Variants in PRKCA observed in about 807,000 individuals in gnomAD.
PRKCA encodes protein kinase C alpha.
A neutral mutation model predicts 87.0 loss-of-function variants in PRKCA; 27 were observed. The ratio of observed to expected loss-of-function variants is 0.31; its 90% confidence interval spans 0.23 to 0.43. The LOEUF is 0.43. PRKCA is among the 20% of genes least tolerant of loss of function. The pLI, the probability that PRKCA is intolerant of heterozygous loss-of-function variation, is 1.00. For missense variants in PRKCA, 518 were observed against 852.3 expected (o/e 0.61, Z 4.88); for synonymous variants, 329 against 311.1 (o/e 1.06, Z -0.61).
chr17:66,765,402 C>G (rs1422616748), intron 13 of PRKCA, among the ~76,000 whole-genome samples: 4 of 94,800 alleles, frequency 4.2e-5, no homozygotes, highest in South Asian at 3.4e-4. Flanking sequence ...GCCTGGTCGA[C>G]AGAGCAAGAC....
intron 3 of PRKCA, among the ~76,000 whole-genome samples, chr17:66,584,913 CT>C (rs1969546347): frequency 6.6e-6 from 1 of 152,068 alleles, no homozygotes; most frequent in Non-Finnish European, 1.5e-5. Context: ...GGTTCATTGC[CT>C]CATGCCAAGG....
chr17:66,545,022 TC>T (rs1331628099), intron 3 of PRKCA, among the ~76,000 whole-genome samples: 8 of 152,264 alleles, frequency 5.3e-5, no homozygotes, highest in Non-Finnish European at 8.8e-5. Context: ...TTTAAGTTAA[TC>T]AAATGTTTAT....
At chr17:66,456,970 T>A (rs1914601658) in intron 2 of PRKCA, among the ~76,000 whole-genome samples, 1 of 152,158 alleles carries the variant, frequency 6.6e-6, no homozygotes, top group African/African-American at 2.4e-5. Flanking sequence ...CTTCTGTACA[T>A]GAATGTCATG....
Position 66,306,142 on chromosome 17 carries a change from T to G in PRKCA, c.205+15T>G. The G allele has an allele frequency of 6.2e-7, 1 of 1,610,126 alleles. No homozygotes were observed. Among genetic ancestry groups the G allele is most frequent in the Non-Finnish European group, 8.5e-7 (1 of 1,178,078 alleles). On this transcript the variant is annotated intron_variant, in intron 2 of 16. Transcript: ENST00000413366. ...CCAGTGCCAAGGTAAGCTACCACTTTTGGTTTTATTTTCAAGCACAACATG... is the reference window on the plus strand; with the variant it reads ...CCAGTGCCAAGGTAAGCTACCACTTGTGGTTTTATTTTCAAGCACAACATG...
chr17:66,773,817 CGT>C (rs1010576675), intron 13 of PRKCA, among the ~76,000 whole-genome samples, 168 bp from the exon 14 acceptor site: 2 of 152,000 alleles, frequency 1.3e-5, no homozygotes, highest in African/African-American at 4.8e-5. Context: ...GATAGTTCTC[CGT>C]GTGTCTGATT....
chr17:66,316,639 C>T (rs1195597544), intron 2 of PRKCA, among the ~76,000 whole-genome samples: 1 of 151,972 alleles, frequency 6.6e-6, no homozygotes, highest in Admixed American at 6.6e-5. Context: ...ATTGGACACC[C>T]CTGGTTTAAA....
At position 66,553,371 on chromosome 17, in the gene PRKCA, A is replaced by C. The variant is rs542722491; in HGVS notation, c.288+57088A>C. Among the ~76,000 whole-genome samples the C allele has an allele frequency of 2.0e-5, 3 of 152,310 alleles. No individual in the cohort carries two copies. The South Asian group carries it at 6.2e-4, about 32-fold the overall frequency. On this transcript the variant is annotated intron_variant, in intron 3 of 16. Transcript: ENST00000413366. Reference sequence around the variant, plus strand: ...CTAGCAAATAAATAATTCCATAGCTAGAAAGATCTTTGGTAGGTAGTTTCC... The same window carrying C: ...CTAGCAAATAAATAATTCCATAGCTCGAAAGATCTTTGGTAGGTAGTTTCC...
rs1975936042 is a variant in PRKCA at position 66,803,064 on chromosome 17, C to T, written c.1855-809C>T. ...CACTTTTGGGGTCAGGCTACCAAGC[C>T]GTGCTGCCTAAGCGGCTGTGTGTCT... is the stretch of plus-strand genomic sequence containing the variant. On this transcript the variant is annotated intron_variant, in intron 16 of 16. Transcript: ENST00000413366. The surrounding 1 kb of genome is among the most constrained non-coding windows in gnomAD (Gnocchi z 4.4). 6.6e-6 allele frequency among the ~76,000 whole-genome samples: 1 copy of T among 152,186 alleles called. No individual in the cohort carries two copies. Among genetic ancestry groups the T allele is most frequent in the Non-Finnish European group, 1.5e-5 (1 of 68,042 alleles).
In PRKCA at chr17:66,309,649, C is replaced by T. The variant is rs561745149; in HGVS notation, c.205+3522C>T. ...TAAGGTCCTCAGAGATAAAGACAAG[C>T]GTGTTCCTTCACAGCTCTGAAGTGA... On this transcript the variant is annotated intron_variant, in intron 2 of 16. Coordinates refer to ENST00000413366, the MANE Select transcript of PRKCA (RefSeq NM_002737.3). Among the ~76,000 whole-genome samples, 12 of 152,272 alleles carry T rather than the reference C, an allele frequency of 7.9e-5. No homozygotes were observed. The East Asian group carries it at 1.9e-3, about 25-fold the overall frequency.
At chr17:66,344,923 A>G (rs1907267818) in intron 2 of PRKCA, among the ~76,000 whole-genome samples, 1 of 152,026 alleles carries the variant, frequency 6.6e-6, no homozygotes, top group African/African-American at 2.4e-5. Flanking sequence ...GTGCCGCCAC[A>G]CCTCATGCCT....
At chr17:66,430,438 C>T (rs1913041388) in intron 2 of PRKCA, among the ~76,000 whole-genome samples, 1 of 151,774 alleles carries the variant, frequency 6.6e-6, no homozygotes, top group South Asian at 2.1e-4. Flanking sequence ...ACAGAGGTCT[C>T]CCTGTAGTCA....
In PRKCA at chr17:66,786,928, C is replaced by T. The variant is rs1340824301; in HGVS notation, c.1667C>T (p.Ser556Phe). Reference sequence around the variant, plus strand: ...CAGTCTATCATGGAGCACAACGTTTCCTATCCAAAATCCTTGTCCAAGGAG... The same window carrying T: ...CAGTCTATCATGGAGCACAACGTTTTCTATCCAAAATCCTTGTCCAAGGAG... The part of the protein sequence containing the change: ...LFQSIMEHNV[S>F]YPKSLSKEAV... Residue 556 changes from serine to phenylalanine, a missense_variant, in exon 15 of 17, where the codon TCC becomes TTC. Ser to Phe is a radical substitution (Grantham distance 155). This residue lies in a region of PRKCA where 159 missense variants were observed against 232.4 expected (regional missense o/e 0.68). Coordinates refer to ENST00000413366, the MANE Select transcript of PRKCA (RefSeq NM_002737.3). The T allele has an allele frequency of 6.2e-7, 1 of 1,613,988 alleles. No individual in the cohort carries two copies. Among genetic ancestry groups the T allele is most frequent in the Non-Finnish European group, 8.5e-7 (1 of 1,179,982 alleles).
In PRKCA at chr17:66,806,324, G is replaced by C. The variant is rs985084883; in HGVS notation, c.*2287G>C. 2 of 152,290 alleles carry C rather than the reference G, an allele frequency of 1.3e-5. No individual in the cohort carries two copies. Among genetic ancestry groups the C allele is most frequent in the Non-Finnish European group, 2.9e-5 (2 of 68,144 alleles). 9.4% of individuals were successfully genotyped at this position (152,290 alleles called of 1,614,324 possible). A position where few individuals can be genotyped will look rare whatever the true frequency, so the allele number is the denominator to read the frequency against. ...CCTGGCAACCCTGAGTAGAAGGAGA[G>C]ACGGGGTAGGGAACGGGCCCGGCCA... On this transcript the variant is annotated 3_prime_UTR_variant, in exon 17 of 17. Transcript: ENST00000413366.
chr17:66,579,976 CTCTT>C (rs1398588808), intron 3 of PRKCA, among the ~76,000 whole-genome samples: 3 of 152,158 alleles, frequency 2.0e-5, no homozygotes, highest in Non-Finnish European at 4.4e-5. Flanking sequence ...TCGGCTCACT[CTCTT>C]TCTCTGCGCC....
At chr17:66,639,722 C>T (rs1457660613) in intron 3 of PRKCA, among the ~76,000 whole-genome samples, 1 of 151,012 alleles carries the variant, frequency 6.6e-6, no homozygotes, top group Non-Finnish European at 1.5e-5. Context: ...GGAGGCTGGG[C>T]GCGGTGGCGC....
chr17:66,431,454 CAT>C (rs1339992946), intron 2 of PRKCA, among the ~76,000 whole-genome samples: 1 of 152,160 alleles, frequency 6.6e-6, no homozygotes, highest in African/African-American at 2.4e-5. Flanking sequence ...AAGGTGGCCT[CAT>C]GTTTTCATTT....
At chr17:66,371,859 G>A (rs572852182) in intron 2 of PRKCA, among the ~76,000 whole-genome samples, 1 of 152,208 alleles carries the variant, frequency 6.6e-6, no homozygotes, top group Non-Finnish European at 1.5e-5. Context: ...CACAAGGCAA[G>A]TCTTCCGAAA....
At chr17:66,539,341 A>T (rs1379961667) in intron 3 of PRKCA, among the ~76,000 whole-genome samples, 1 of 152,004 alleles carries the variant, frequency 6.6e-6, no homozygotes, top group Non-Finnish European at 1.5e-5. Flanking sequence ...TTTGTGAGTT[A>T]TTCTTACGTT....
chr17:66,398,410 G>A (rs917621060), intron 2 of PRKCA, among the ~76,000 whole-genome samples: 3 of 152,190 alleles, frequency 2.0e-5, no homozygotes, highest in Non-Finnish European at 4.4e-5. Flanking sequence ...GGCTCATGAT[G>A]GCTTTAAACA....
Sources: allele counts gnomAD v4.1 joint callset (sites outside exome capture counted in the v4.1 genomes callset), GRCh38; gene constraint gnomAD v4.1.1; regional missense constraint gnomAD v4.1.1; non-coding constraint Gnocchi (gnomAD v3.1); transcripts MANE v1.5; gene names NCBI Gene and HGNC (gene_info 2026-07-23, HGNC 2026-07-21).